AFG2A: variants seen among roughly 807,000 people sequenced by gnomAD.
AFG2A encodes ATPase family gene 2 protein homolog A.
the AFG2A span, among the ~76,000 whole-genome samples, chr4:123,194,400 C>G: frequency 1.3e-5 from 2 of 152,288 alleles, no homozygotes; most frequent in Admixed American, 6.5e-5. Flanking sequence ...CCATGTTGGG[C>G]CCAATTCAAA....
the AFG2A span, among the ~76,000 whole-genome samples, chr4:123,218,640 TATACATACATAC>T: frequency 0.023 from 3,444 of 147,808 alleles, 113 homozygotes; most frequent in African/African-American, 0.075. Flanking sequence ...CATAAACACA[TATACATACATAC>T]ATACATACAT....
chr4:123,221,220 A>G, the AFG2A span, among the ~76,000 whole-genome samples: 2 of 152,316 alleles, frequency 1.3e-5, no homozygotes, highest in Non-Finnish European at 1.5e-5. Context: ...CGGTGGCACA[A>G]TCATAGCTCA....
the AFG2A span, among the ~76,000 whole-genome samples, chr4:123,205,794 A>C: frequency 6.6e-6 from 1 of 152,030 alleles, no homozygotes; most frequent in Non-Finnish European, 1.5e-5. Context: ...TGTCTCAATA[A>C]GTGTTTTAAT....
the AFG2A span, among the ~76,000 whole-genome samples, chr4:123,267,737 G>T: frequency 6.6e-6 from 1 of 151,958 alleles, no homozygotes; most frequent in Admixed American, 6.5e-5. Context: ...AGTATCAAAA[G>T]ATTTCATTAT....
chr4:123,020,493 C>T, the AFG2A span, among the ~76,000 whole-genome samples: 10 of 151,690 alleles, frequency 6.6e-5, no homozygotes, highest in East Asian at 9.7e-4. Context: ...CTCAGCCTCC[C>T]GAGTAGCGGA....
At chr4:122,969,890 T>TA in the AFG2A span, among the ~76,000 whole-genome samples, 1 of 152,238 alleles carries the variant, frequency 6.6e-6, no homozygotes, top group Admixed American at 6.5e-5. Context: ...TATGTTAGTA[T>TA]AGTCACGGAC....
At chr4:122,994,678 A>G in the AFG2A span, among the ~76,000 whole-genome samples, 3 of 152,140 alleles carry the variant, frequency 2.0e-5, no homozygotes, top group Admixed American at 6.6e-5. Context: ...AAACCATTAG[A>G]GAGGTAGTAC....
At chr4:123,000,581 G>A in the AFG2A span, among the ~76,000 whole-genome samples, 1 of 142,386 alleles carries the variant, frequency 7.0e-6, no homozygotes, top group Non-Finnish European at 1.5e-5. Context: ...TTTGTCTTTG[G>A]TTCTGTTTAT....
the AFG2A span, among the ~76,000 whole-genome samples, chr4:123,074,098 T>TTTTTTTTTC: frequency 7.2e-6 from 1 of 138,234 alleles, no homozygotes; most frequent in African/African-American, 2.6e-5. Flanking sequence ...AGATAGTATT[T>TTTTTTTTTC]TTTTTTTTTT....
the AFG2A span, among the ~76,000 whole-genome samples, chr4:123,305,116 C>G: frequency 6.6e-6 from 1 of 152,200 alleles, no homozygotes; most frequent in African/African-American, 2.4e-5. Context: ...ATTTTCTCCA[C>G]AGATCCAAGT....
At chr4:123,023,373 A>G in the AFG2A span, among the ~76,000 whole-genome samples, 1 of 152,200 alleles carries the variant, frequency 6.6e-6, no homozygotes, top group South Asian at 2.1e-4. Flanking sequence ...TAAAAGTTCA[A>G]ATAAAAAAGA....
chr4:123,056,539 C>A, the AFG2A span: 2 of 918,224 alleles, frequency 2.2e-6, no homozygotes, highest in Non-Finnish European at 3.1e-6. Flanking sequence ...TTGGCATTTC[C>A]GAAGTCAGAT....
chr4:122,926,777 T>C, the AFG2A span, among the ~76,000 whole-genome samples: 3 of 152,246 alleles, frequency 2.0e-5, no homozygotes, highest in African/African-American at 7.2e-5. Context: ...AAAACCATTG[T>C]ATACTTATTT....
the AFG2A span, among the ~76,000 whole-genome samples, chr4:123,072,016 A>G: frequency 6.6e-5 from 10 of 152,306 alleles, no homozygotes; most frequent in African/African-American, 2.4e-4. Flanking sequence ...CAGCTTTACC[A>G]TGGCACATTG....
chr4:123,080,265 C>G, the AFG2A span, among the ~76,000 whole-genome samples: 2 of 152,214 alleles, frequency 1.3e-5, no homozygotes, highest in Non-Finnish European at 2.9e-5. Context: ...AGAGAGCTAG[C>G]GCTCTCTCAA....
chr4:123,179,307 CTACTTACTTACTTACT>C, the AFG2A span, among the ~76,000 whole-genome samples: 4 of 149,674 alleles, frequency 2.7e-5, no homozygotes, highest in South Asian at 4.3e-4. Flanking sequence ...CTCACACATA[CTACTTACTTACTTACT>C]TACTTACTTA....
At chr4:123,011,109 C>G in the AFG2A span, among the ~76,000 whole-genome samples, 1 of 152,206 alleles carries the variant, frequency 6.6e-6, no homozygotes, top group Admixed American at 6.5e-5. Context: ...CATCTTTGTT[C>G]TCTGGCCAGC....
At chr4:122,930,635 C>T in the AFG2A span, among the ~76,000 whole-genome samples, 5 of 152,036 alleles carry the variant, frequency 3.3e-5, no homozygotes, top group African/African-American at 4.8e-5. Context: ...ACACAGTTAC[C>T]CTTTTCTTTT....
chr4:122,982,218 T>C, the AFG2A span, among the ~76,000 whole-genome samples: 1 of 152,188 alleles, frequency 6.6e-6, no homozygotes, highest in Non-Finnish European at 1.5e-5. Flanking sequence ...GATGTTGAAT[T>C]TTGTCAAATG....
Sources: allele counts gnomAD v4.1 joint callset (sites outside exome capture counted in the v4.1 genomes callset), GRCh38; gene constraint gnomAD v4.1.1; transcripts MANE v1.5; gene names NCBI Gene and HGNC (gene_info 2026-07-23, HGNC 2026-07-21).